STPG2: variants seen among roughly 807,000 people sequenced by gnomAD.
STPG2 encodes the protein sperm-tail PG-rich repeat-containing protein 2.
In STPG2, 56 loss-of-function variants were observed where a neutral mutation model predicts 54.2. That is an observed-to-expected ratio of 1.03 (90% CI 0.83 to 1.29). The LOEUF (loss-of-function observed/expected upper bound fraction) is 1.29, where lower values mean the gene tolerates loss of function less well. STPG2 is among the 50% of genes most tolerant of loss of function. The probability of loss-of-function intolerance (pLI) is 0.00; values close to 1 mark genes in which losing one functional copy is unlikely to be tolerated. For synonymous variants in STPG2, 200 were observed against 181.8 expected, an observed-to-expected ratio of 1.10 and a Z score of -0.81; for missense variants, 596 against 544.9, an observed-to-expected ratio of 1.09 and a Z score of -0.93.
At chr4:98,055,460 G>A (rs1737451628) in intron 5 of STPG2, among the ~76,000 whole-genome samples, 1 of 152,168 alleles carries the variant, frequency 6.6e-6, no homozygotes, top group South Asian at 2.1e-4. Context: ...AAGAGCACCA[G>A]ACTCATTTTT....
intron 10 of STPG2, among the ~76,000 whole-genome samples, chr4:97,706,065 T>A (rs1363455674): frequency 6.6e-6 from 1 of 152,196 alleles, no homozygotes; most frequent in Non-Finnish European, 1.5e-5. Context: ...CTATTTTCTC[T>A]TGATCCAATG....
At chr4:97,569,458 A>G (rs1181915270) in intron 10 of STPG2, among the ~76,000 whole-genome samples, 1 of 152,134 alleles carries the variant, frequency 6.6e-6, no homozygotes, top group African/African-American at 2.4e-5. Flanking sequence ...AAGAATGCCT[A>G]ACCTCCTGGA....
intron 10 of STPG2, among the ~76,000 whole-genome samples, chr4:97,572,260 A>C (rs1578398166): frequency 1.3e-5 from 2 of 152,072 alleles, no homozygotes; most frequent in Non-Finnish European, 2.9e-5. Flanking sequence ...AAATACCTGT[A>C]CTCTCAAGAT....
intron 3 of STPG2, among the ~76,000 whole-genome samples, chr4:98,116,549 C>T (rs936138028): frequency 2.6e-5 from 4 of 151,830 alleles, no homozygotes; most frequent in Non-Finnish European, 5.9e-5. Flanking sequence ...GGAGAATATC[C>T]TAATATCAAA....
At chr4:97,610,813 A>G (rs1046060967) in intron 10 of STPG2, among the ~76,000 whole-genome samples, 9 of 151,440 alleles carry the variant, frequency 5.9e-5, no homozygotes, top group Non-Finnish European at 1.0e-4. Flanking sequence ...AACAGTAGGA[A>G]CAAAAACAAT....
chr4:97,949,889 G>C (rs775403625), intron 7 of STPG2, among the ~76,000 whole-genome samples: 13 of 151,658 alleles, frequency 8.6e-5, no homozygotes, highest in Non-Finnish European at 1.5e-4. Flanking sequence ...TTTTTGTTTT[G>C]TTTTTTGTTT....
At chr4:97,766,113 T>C (rs1726042438) in intron 9 of STPG2, among the ~76,000 whole-genome samples, 1 of 152,052 alleles carries the variant, frequency 6.6e-6, no homozygotes. Context: ...CAAATATTGG[T>C]TGGGTCAATA....
chr4:97,826,695 A>C (rs1230842934), intron 9 of STPG2, among the ~76,000 whole-genome samples: 1 of 152,220 alleles, frequency 6.6e-6, no homozygotes, highest in African/African-American at 2.4e-5. Flanking sequence ...ATGATACAGG[A>C]ACTATTGTCA....
intron 3 of STPG2, among the ~76,000 whole-genome samples, chr4:98,127,061 T>C (rs1242875031): frequency 6.6e-6 from 1 of 151,834 alleles, no homozygotes; most frequent in Non-Finnish European, 1.5e-5. Flanking sequence ...CACCAGATAA[T>C]ATTTATTTAA....
intron 9 of STPG2, among the ~76,000 whole-genome samples, chr4:97,820,075 G>A (rs987599796): frequency 6.6e-6 from 1 of 151,800 alleles, no homozygotes; most frequent in African/African-American, 2.4e-5. Context: ...ATGTCTCAAC[G>A]TCACATTTTG....
intron 9 of STPG2, among the ~76,000 whole-genome samples, chr4:97,781,493 A>C (rs1369797560): frequency 6.6e-6 from 1 of 152,220 alleles, no homozygotes; most frequent in Admixed American, 6.5e-5. Context: ...GCCGAATTCT[A>C]CCAGAGGTAC....
At position 98,016,918 on chromosome 4, in the gene STPG2, T is replaced by C. The variant is rs190136548; in HGVS notation, c.613-35600A>G. Reference sequence around the variant, plus strand: ...AACAAGCTTCAGCAGGGAACATCCATCATTACTCAGCCCACCAAGATATTC... The same window carrying C: ...AACAAGCTTCAGCAGGGAACATCCACCATTACTCAGCCCACCAAGATATTC... On this transcript the variant is annotated intron_variant, in intron 5 of 10. Transcript: ENST00000295268. 2.1e-3 allele frequency among the ~76,000 whole-genome samples: 325 copies of C among 152,316 alleles called. 1 individual carries two copies. The highest frequency in any genetic ancestry group is 7.4e-3 in the African/African-American group (306 of 41,568).
At chr4:97,892,226 T>C (rs1286983836) in intron 8 of STPG2, among the ~76,000 whole-genome samples, 2 of 152,134 alleles carry the variant, frequency 1.3e-5, no homozygotes, top group Admixed American at 1.3e-4. Context: ...CAAGTTACTC[T>C]TAGAACAATA....
chr4:98,106,473 T>G (rs1257445892), intron 4 of STPG2, among the ~76,000 whole-genome samples: 53 of 152,044 alleles, frequency 3.5e-4, no homozygotes, highest in Admixed American at 3.5e-3. Flanking sequence ...GAAAAGGGCA[T>G]AAAGATCTAT....
chr4:98,140,852 T>C (rs1740262849), intron 1 of STPG2, among the ~76,000 whole-genome samples: 2 of 152,168 alleles, frequency 1.3e-5, no homozygotes, highest in African/African-American at 4.8e-5. Flanking sequence ...CAAAAGTGAT[T>C]GGCAGTGTTG....
chr4:97,444,404 G>C (rs1729166848), intron 4 of STPG2, among the ~76,000 whole-genome samples: 1 of 152,022 alleles, frequency 6.6e-6, no homozygotes, highest in Non-Finnish European at 1.5e-5. Context: ...AAAGCAGTCA[G>C]ATAAATAAAA....
At chr4:97,845,861 T>C (rs1288707061) in intron 8 of STPG2, among the ~76,000 whole-genome samples, 1 of 152,218 alleles carries the variant, frequency 6.6e-6, no homozygotes, top group Non-Finnish European at 1.5e-5. Flanking sequence ...TCCATTTGCA[T>C]AGCCATTTAC....
chr4:97,943,817 C>T (rs1396764981), intron 8 of STPG2, 80 bp downstream of exon 8: 1 of 1,053,844 alleles, frequency 9.5e-7, no homozygotes, highest in Non-Finnish European at 1.4e-6. Flanking sequence ...TCACTCAGGT[C>T]CTAATATAAT....
chr4:97,818,945 T>TATATAAATATACATATTTATATATA (rs1185255796), intron 9 of STPG2, among the ~76,000 whole-genome samples: 6 of 147,918 alleles, frequency 4.1e-5, no homozygotes, highest in African/African-American at 1.5e-4. Context: ...ATGTATCTCT[T>TATATAAATATACATATTTATATATA]ATATAAATAT....
Sources: gnomAD v4.1 joint callset for allele counts (sites outside exome capture counted in the v4.1 genomes callset) on GRCh38, gnomAD v4.1.1 for gene constraint, MANE v1.5 for transcripts, NCBI Gene and HGNC (gene_info 2026-07-23, HGNC 2026-07-21) for gene names.